The following ZFP1 variants were observed in gnomAD, a reference collection of about 807,000 sequenced individuals.
ZFP1 encodes the protein zinc finger protein 1 homolog.
In ZFP1, 32 loss-of-function variants were observed where a neutral mutation model predicts 38.5. The observed-to-expected ratio is 0.83, with a 90% confidence interval of 0.63 to 1.12. The LOEUF (loss-of-function observed/expected upper bound fraction) is 1.12. Ranked by LOEUF, ZFP1 falls within the 50% of genes most tolerant of loss-of-function variation. The pLI is 0.00. For synonymous variants in ZFP1, 245 were observed against 168.8 expected, an observed-to-expected ratio of 1.45 and a Z score of -3.50; for missense variants, 616 against 480.8, an observed-to-expected ratio of 1.28 and a Z score of -2.63.
chr16:75,154,679 G>T (rs535677447), intron 2 of ZFP1, among the ~76,000 whole-genome samples: 7 of 151,986 alleles, frequency 4.6e-5, no homozygotes, highest in Middle Eastern at 6.3e-3. Flanking sequence ...ACAGAGGGAG[G>T]GGGGCTCCAA....
At chr16:75,154,269 A>G (rs1441146320) in intron 2 of ZFP1, among the ~76,000 whole-genome samples, 1 of 152,090 alleles carries the variant, frequency 6.6e-6, no homozygotes, top group Non-Finnish European at 1.5e-5. Flanking sequence ...TCTTGGCTTG[A>G]TAACTCATTT....
intron 2 of ZFP1, among the ~76,000 whole-genome samples, chr16:75,153,863 C>T (rs990535590): frequency 3.9e-5 from 6 of 152,198 alleles, no homozygotes; most frequent in African/African-American, 1.4e-4. Context: ...CTCTGTCTCC[C>T]TAAGTCCCTA....
chr16:75,150,128 C>T (rs951573977), intron 1 of ZFP1, among the ~76,000 whole-genome samples: 4 of 151,910 alleles, frequency 2.6e-5, no homozygotes, highest in African/African-American at 9.7e-5. Flanking sequence ...ATTTTTTTAA[C>T]TTCCCTTGTG....
the ZFP1 span, among the ~76,000 whole-genome samples, chr16:75,139,355 C>CGA: frequency 3.9e-5 from 4 of 101,606 alleles, no homozygotes; most frequent in Non-Finnish European, 3.4e-5. Context: ...GGCGATAGAG[C>CGA]GAGACTCCAT....
intron 2 of ZFP1, among the ~76,000 whole-genome samples, chr16:75,158,341 T>G (rs560247684): frequency 6.6e-6 from 1 of 151,700 alleles, no homozygotes; most frequent in South Asian, 2.1e-4. Flanking sequence ...TCTATTTTTT[T>G]TTTTTTTTAA....
At chr16:75,166,556 T>TATCA (rs1443332863) in intron 2 of ZFP1, 6 of 985,132 alleles carry the variant, frequency 6.1e-6, no homozygotes, top group Non-Finnish European at 7.2e-6. Context: ...CTGAGACACC[T>TATCA]ATCAAATATG....
At chr16:75,148,392 C>G (rs1185321579), upstream of ZFP1, 1 of 152,270 alleles carries the variant, frequency 6.6e-6, no homozygotes, top group East Asian at 1.9e-4. Context: ...CTGAGAGTCC[C>G]TAAAGCCGCG....
rs751078709 is a variant in ZFP1, at chr16:75,152,911, C to T, written c.-41C>T. 6.2e-7 allele frequency: 1 copy of T among 1,612,494 alleles called. No homozygotes were observed. The highest frequency in any genetic ancestry group is 8.5e-7 in the Non-Finnish European group (1 of 1,179,356). On this transcript the variant is annotated splice_region_variant and 5_prime_UTR_variant, in exon 2 of 4. Coordinates refer to ENST00000570010, the MANE Select transcript of ZFP1 (RefSeq NM_153688.4). ...CCTTCCTTTTTCCTCTATTCCAGTT[C>T]TGCCTTCATAGTTCTCTGCCTTTGC...
At chr16:75,128,882 C>T in the ZFP1 span, among the ~76,000 whole-genome samples, 4 of 152,324 alleles carry the variant, frequency 2.6e-5, no homozygotes, top group African/African-American at 7.2e-5. Context: ...CCTCCGCCTC[C>T]GGGGTTCAAG....
intron 2 of ZFP1, among the ~76,000 whole-genome samples, chr16:75,156,418 C>G (rs955691764): frequency 3.9e-5 from 6 of 152,076 alleles, no homozygotes; most frequent in African/African-American, 1.4e-4. Context: ...GATCATGCTA[C>G]TGCACTCCAG....
rs1300540776 is a variant in ZFP1 at position 75,161,788 on chromosome 16, T to A, written c.16-4982T>A. On this transcript the variant is annotated intron_variant, in intron 2 of 3. Coordinates refer to ENST00000570010, the MANE Select transcript of ZFP1 (RefSeq NM_153688.4). ...TATATATATATATTTTTTTTTTTTT[T>A]TTTTTTTTTTTTCCTGAGATGGAGT... Among the ~76,000 whole-genome samples, 6 of 32,742 alleles carry A rather than the reference T, an allele frequency of 1.8e-4. No homozygotes were observed. In the South Asian group the frequency reaches 4.8e-3, roughly 26 times the overall value. The allele number at this position is 32,742 out of a possible 152,430, so 21.5% of individuals were successfully genotyped here.
the ZFP1 span, among the ~76,000 whole-genome samples, chr16:75,120,847 G>C: frequency 6.6e-6 from 1 of 151,854 alleles, no homozygotes; most frequent in Non-Finnish European, 1.5e-5. Context: ...GGATGGTCTC[G>C]ATCTCCTGAC....
At chr16:75,124,208 G>T in the ZFP1 span, among the ~76,000 whole-genome samples, 1 of 151,002 alleles carries the variant, frequency 6.6e-6, no homozygotes, top group African/African-American at 2.4e-5. Flanking sequence ...TGTTGCCCAG[G>T]CTGGAGTGCA....
intron 3 of ZFP1, among the ~76,000 whole-genome samples, chr16:75,168,002 A>C (rs909536217): frequency 6.6e-6 from 1 of 152,120 alleles, no homozygotes; most frequent in African/African-American, 2.4e-5. Context: ...CGGAGGTTGC[A>C]GTGAGCTGAG....
At chr16:75,137,956 CT>C in the ZFP1 span, among the ~76,000 whole-genome samples, 33 of 150,678 alleles carry the variant, frequency 2.2e-4, no homozygotes, top group Non-Finnish European at 4.3e-4. Context: ...CAAGCCTCAC[CT>C]GCAGAATTCC....
At chr16:75,137,169 A>G in the ZFP1 span, among the ~76,000 whole-genome samples, 1 of 152,196 alleles carries the variant, frequency 6.6e-6, no homozygotes, top group Non-Finnish European at 1.5e-5. Flanking sequence ...GTTCACACAC[A>G]CACTGATTGG....
chr16:75,124,218 A>C, the ZFP1 span, among the ~76,000 whole-genome samples: 1 of 149,090 alleles, frequency 6.7e-6, no homozygotes, highest in Non-Finnish European at 1.5e-5. Context: ...GCTGGAGTGC[A>C]GTGGTACAAA....
chr16:75,135,553 G>A, the ZFP1 span, among the ~76,000 whole-genome samples: 1 of 152,142 alleles, frequency 6.6e-6, no homozygotes, highest in Admixed American at 6.5e-5. Flanking sequence ...GGATTGGTAA[G>A]CCCAGGAGTT....
chr16:75,159,097 G>T (rs746941786), intron 2 of ZFP1, among the ~76,000 whole-genome samples: 1 of 151,760 alleles, frequency 6.6e-6, no homozygotes, highest in Non-Finnish European at 1.5e-5. Flanking sequence ...GAATTTCGTT[G>T]TGTTGTCCAG....
Sources: gnomAD v4.1 joint callset for allele counts (sites outside exome capture counted in the v4.1 genomes callset) on GRCh38, gnomAD v4.1.1 for gene constraint, MANE v1.5 for transcripts, NCBI Gene and HGNC (gene_info 2026-07-23, HGNC 2026-07-21) for gene names.